Variants in SLC4A4 observed in about 807,000 individuals in gnomAD.
SLC4A4 encodes electrogenic sodium bicarbonate cotransporter 1.
A neutral mutation model predicts 111.5 loss-of-function variants in SLC4A4; 27 were observed. The ratio of observed to expected loss-of-function variants is 0.24; its 90% confidence interval spans 0.18 to 0.33. The LOEUF is 0.33. SLC4A4 is among the 10% of genes least tolerant of loss of function. SLC4A4 has a pLI of 1.00. For synonymous variants in SLC4A4, 443 were observed against 463.4 expected, an observed-to-expected ratio of 0.96 and a Z score of 0.57; for missense variants, 909 against 1,315.5, an observed-to-expected ratio of 0.69 and a Z score of 4.78.
At chr4:71,517,337 T>C (rs1732495689) in intron 16 of SLC4A4, among the ~76,000 whole-genome samples, 1 of 152,026 alleles carries the variant, frequency 6.6e-6, no homozygotes, top group Non-Finnish European at 1.5e-5. Context: ...GTCTTTAAGT[T>C]CACAGATTCT....
chr4:71,488,547 T>A (rs904613660), intron 15 of SLC4A4, among the ~76,000 whole-genome samples: 2 of 151,786 alleles, frequency 1.3e-5, no homozygotes, highest in African/African-American at 4.8e-5. Flanking sequence ...TAATATGTAC[T>A]ATAACCATCA....
At chr4:71,343,764 T>A (rs2148894692) in intron 4 of SLC4A4, among the ~76,000 whole-genome samples, 1 of 152,322 alleles carries the variant, frequency 6.6e-6, no homozygotes, top group African/African-American at 2.4e-5. Context: ...CTGCTCTTAC[T>A]TCCTTTATGA....
intron 7 of SLC4A4, among the ~76,000 whole-genome samples, chr4:71,430,835 A>G (rs1365580515): frequency 6.6e-6 from 1 of 152,124 alleles, no homozygotes; most frequent in South Asian, 2.1e-4. Context: ...ACACTTCTAA[A>G]TATTGATTTT....
intron 1 of SLC4A4, among the ~76,000 whole-genome samples, chr4:71,082,997 G>A (rs1281253538): frequency 6.6e-6 from 1 of 151,864 alleles, no homozygotes; most frequent in African/African-American, 2.4e-5. Flanking sequence ...GGGATTACAG[G>A]CGCATGCCAC....
intron 6 of SLC4A4, among the ~76,000 whole-genome samples, chr4:71,372,669 T>C (rs1014184317): frequency 6.6e-6 from 1 of 152,196 alleles, no homozygotes; most frequent in Admixed American, 6.5e-5. Flanking sequence ...TTTTCTGTCA[T>C]CTTATGCACA....
intron 2 of SLC4A4, among the ~76,000 whole-genome samples, chr4:71,099,109 C>A (rs1056299487): frequency 4.6e-5 from 7 of 152,148 alleles, no homozygotes; most frequent in South Asian, 2.1e-4. Flanking sequence ...CCAAATGGAT[C>A]TGATAGATCT....
chr4:71,489,584 A>C (rs557885328), intron 15 of SLC4A4, among the ~76,000 whole-genome samples: 1 of 151,830 alleles, frequency 6.6e-6, no homozygotes, highest in African/African-American at 2.4e-5. Flanking sequence ...TTATCATTTG[A>C]TTAGGTCATG....
intron 4 of SLC4A4, among the ~76,000 whole-genome samples, chr4:71,349,559 C>T (rs1729627718): frequency 1.3e-5 from 2 of 152,216 alleles, no homozygotes; most frequent in South Asian, 4.2e-4. Context: ...GTAGGCTGTA[C>T]CCACATGGAG....
At chr4:71,536,480 A>ATG (rs1553928636) in intron 18 of SLC4A4, among the ~76,000 whole-genome samples, 1 of 99,134 alleles carries the variant, frequency 1.0e-5, no homozygotes, top group African/African-American at 3.5e-5. Context: ...ATATATATAT[A>ATG]TATATATGTA....
chr4:71,156,595 C>CACACACAT lies in SLC4A4; in HGVS notation c.-2+63810_-2+63811insTACACACA, dbSNP rs1191445438. Among the ~76,000 whole-genome samples, 80 of 150,142 alleles carry CACACACAT rather than the reference C, an allele frequency of 5.3e-4. 1 individual carries two copies. The highest frequency in any genetic ancestry group is 3.4e-3 in the Middle Eastern group (1 of 292). ...GCATGCGCGCGCGCGCGCGCACACA[C>CACACACAT]ACACACACACACACACACATACACA... On this transcript the variant is annotated intron_variant, in intron 2 of 26. Transcript: ENST00000649996.
intron 1 of SLC4A4, among the ~76,000 whole-genome samples, chr4:71,218,668 A>T (rs1718570780): frequency 1.3e-5 from 2 of 152,198 alleles, no homozygotes; most frequent in Non-Finnish European, 2.9e-5. Context: ...TGTGAACTTG[A>T]CAACTTGCTT....
chr4:71,304,887 C>T (rs1725559776), intron 3 of SLC4A4, among the ~76,000 whole-genome samples: 1 of 152,162 alleles, frequency 6.6e-6, no homozygotes, highest in Non-Finnish European at 1.5e-5. Flanking sequence ...ATTTTGTGGA[C>T]AACTTGGAAC....
chr4:71,341,244 A>C (rs1429635655), intron 4 of SLC4A4, among the ~76,000 whole-genome samples: 35 of 152,174 alleles, frequency 2.3e-4, no homozygotes, highest in Admixed American at 2.3e-3. Context: ...ATAGATCTCT[A>C]TCTTATTAAA....
chr4:71,311,888 T>TGA (rs1491510042), intron 3 of SLC4A4, among the ~76,000 whole-genome samples: 6 of 31,564 alleles, frequency 1.9e-4, no homozygotes, highest in African/African-American at 4.3e-4. Flanking sequence ...TGTGCAAGGC[T>TGA]GTGAGAGAGA....
chr4:71,109,566 G>A (rs541027642), intron 2 of SLC4A4, among the ~76,000 whole-genome samples: 34 of 150,728 alleles, frequency 2.3e-4, no homozygotes, highest in African/African-American at 8.3e-4. Flanking sequence ...TTTTTTGAGA[G>A]GAGTCTTGCT....
At chr4:71,097,911 G>T (rs574668543) in intron 2 of SLC4A4, among the ~76,000 whole-genome samples, 1 of 152,132 alleles carries the variant, frequency 6.6e-6, no homozygotes, top group South Asian at 2.1e-4. Context: ...TGTAGATGCT[G>T]GATATTAGAC....
Position 71,536,457 on chromosome 4 carries a change from CATATATACATATAT to C in SLC4A4, c.2442+2077_2442+2090del, listed in dbSNP as rs1489328225. On this transcript the variant is annotated intron_variant, in intron 18 of 25. Transcript: ENST00000264485. ...TCATTTAAGCATATATACATATATA[CATATATACATATAT>C]ATATATATATATATATGTATATATT... Among the ~76,000 whole-genome samples, 35 of 31,410 alleles carry C rather than the reference CATATATACATATAT, an allele frequency of 1.1e-3. 3 individuals carry two copies. Among genetic ancestry groups the C allele is most frequent in the East Asian group, 4.0e-3 (2 of 494 alleles). 20.6% of individuals were successfully genotyped at this position (31,410 alleles called of 152,430 possible).
intron 3 of SLC4A4, among the ~76,000 whole-genome samples, chr4:71,330,591 G>C (rs1727895520): frequency 6.6e-6 from 1 of 152,070 alleles, no homozygotes; most frequent in African/African-American, 2.4e-5. Flanking sequence ...ATTCAAGATG[G>C]ATTAAAAACT....
chr4:71,340,380 A>T (rs1274907547), intron 4 of SLC4A4, among the ~76,000 whole-genome samples: 1 of 152,224 alleles, frequency 6.6e-6, no homozygotes, highest in South Asian at 2.1e-4. Flanking sequence ...CCACACTTAT[A>T]TAACTGTTAT....
Sources: allele counts gnomAD v4.1 joint callset (sites outside exome capture counted in the v4.1 genomes callset), GRCh38; gene constraint gnomAD v4.1.1; transcripts MANE v1.5; gene names NCBI Gene and HGNC (gene_info 2026-07-23, HGNC 2026-07-21).